PCDH15: variants seen among roughly 807,000 people sequenced by gnomAD.
The protein encoded by PCDH15 is protocadherin-15.
PCDH15 carries 129 observed loss-of-function variants against 178.5 expected under a neutral mutation model. The observed-to-expected ratio is 0.72, with a 90% CI of 0.63 to 0.84. The LOEUF is 0.84. Among genes scored for constraint, PCDH15 ranks in the 40% least tolerant of loss-of-function variants. PCDH15 has a pLI of 0.00. For synonymous variants in PCDH15, 800 were observed against 732.0 expected, an observed-to-expected ratio of 1.09 and a Z score of -1.50; for missense variants, 2,230 against 2,099.9, an observed-to-expected ratio of 1.06 and a Z score of -1.21.
At chr10:53,981,203 A>C (rs1018649803) in intron 21 of PCDH15, among the ~76,000 whole-genome samples, 1 of 152,212 alleles carries the variant, frequency 6.6e-6, no homozygotes, top group Non-Finnish European at 1.5e-5. Context: ...AAAATAGAAT[A>C]ATAAGATTTC....
chr10:54,217,531 G>A (rs766520029), intron 9 of PCDH15, among the ~76,000 whole-genome samples: 3 of 152,130 alleles, frequency 2.0e-5, no homozygotes, highest in Non-Finnish European at 4.4e-5. Context: ...CTTGGCAGGG[G>A]ATGATAAAGA....
At chr10:54,137,403 T>C (rs1387785566) in intron 14 of PCDH15, among the ~76,000 whole-genome samples, 1 of 152,178 alleles carries the variant, frequency 6.6e-6, no homozygotes, top group African/African-American at 2.4e-5. Context: ...TCTTGAAACC[T>C]ACCCAATAGT....
intron 21 of PCDH15, among the ~76,000 whole-genome samples, chr10:53,963,982 T>C (rs1305946383): frequency 6.6e-6 from 1 of 152,216 alleles, no homozygotes; most frequent in African/African-American, 2.4e-5. Flanking sequence ...CCTAAAAACA[T>C]TTCTTTTTTG....
chr10:55,035,056 A>G (rs1006812010), intron 2 of PCDH15, among the ~76,000 whole-genome samples: 3 of 152,108 alleles, frequency 2.0e-5, no homozygotes, highest in African/African-American at 7.2e-5. Context: ...GTTTTTATGT[A>G]TCTTTACATG....
intron 2 of PCDH15, among the ~76,000 whole-genome samples, chr10:55,045,770 G>A (rs1840988257): frequency 6.6e-6 from 1 of 151,920 alleles, no homozygotes; most frequent in African/African-American, 2.4e-5. Flanking sequence ...TCACAAAAAA[G>A]TAATGCCAGT....
At chr10:55,587,836 G>T (rs1842757143) in intron 2 of PCDH15, among the ~76,000 whole-genome samples, 1 of 152,102 alleles carries the variant, frequency 6.6e-6, no homozygotes, top group Non-Finnish European at 1.5e-5. Context: ...TGAGGCCTGG[G>T]TCTGAAAGAG....
chr10:54,977,941 A>G (rs1210662660), intron 2 of PCDH15, among the ~76,000 whole-genome samples: 1 of 152,202 alleles, frequency 6.6e-6, no homozygotes, highest in Non-Finnish European at 1.5e-5. Context: ...TCAGAAGGAC[A>G]ATATTGAAAA....
chr10:55,421,824 T>C (rs2132046428), intron 2 of PCDH15, among the ~76,000 whole-genome samples: 1 of 151,864 alleles, frequency 6.6e-6, no homozygotes, highest in Non-Finnish European at 1.5e-5. Context: ...TTTTATTGTT[T>C]TTATTATCAC....
chr10:54,251,216 G>C (rs2056444415), intron 8 of PCDH15, among the ~76,000 whole-genome samples: 1 of 152,016 alleles, frequency 6.6e-6, no homozygotes, highest in Non-Finnish European at 1.5e-5. Context: ...TAACCATCTG[G>C]TAGAAATTTG....
At chr10:54,649,136 A>T (rs2094198843) in intron 2 of PCDH15, among the ~76,000 whole-genome samples, 1 of 152,300 alleles carries the variant, frequency 6.6e-6, no homozygotes, top group African/African-American at 2.4e-5. Flanking sequence ...CCACTGCATT[A>T]TGATCCACTA....
chr10:53,883,214 A>AT (rs2080858769), intron 26 of PCDH15, among the ~76,000 whole-genome samples: 1 of 152,040 alleles, frequency 6.6e-6, no homozygotes, highest in Admixed American at 6.6e-5. Context: ...ATATATGTAT[A>AT]TGTGTGTGTG....
intron 2 of PCDH15, among the ~76,000 whole-genome samples, chr10:55,103,550 T>G (rs1200929783): frequency 6.6e-6 from 1 of 152,198 alleles, no homozygotes; most frequent in Non-Finnish European, 1.5e-5. Flanking sequence ...CTGGACAGTT[T>G]TCTCCAGCAG....
At chr10:55,339,125 T>C (rs1261217474) in intron 2 of PCDH15, among the ~76,000 whole-genome samples, 5 of 152,138 alleles carry the variant, frequency 3.3e-5, no homozygotes, top group Non-Finnish European at 7.4e-5. Context: ...TATTTTAAAA[T>C]ACTGAAAGAG....
At chr10:54,938,816 G>C (rs1837977841) in intron 2 of PCDH15, among the ~76,000 whole-genome samples, 1 of 152,154 alleles carries the variant, frequency 6.6e-6, no homozygotes, top group Admixed American at 6.5e-5. Context: ...TCTCCGCTCT[G>C]ATCTTAGAGA....
intron 27 of PCDH15, among the ~76,000 whole-genome samples, chr10:53,860,274 C>T (rs915966177): frequency 6.6e-6 from 1 of 152,106 alleles, no homozygotes; most frequent in African/African-American, 2.4e-5. Context: ...TCTGTCTTCC[C>T]ACTGGGAACA....
chr10:55,294,791 G>T (rs1269758692), intron 1 of PCDH15, among the ~76,000 whole-genome samples: 2 of 152,068 alleles, frequency 1.3e-5, no homozygotes, highest in African/African-American at 4.8e-5. Context: ...CTGGACCAAG[G>T]TTACTGCATT....
chr10:54,346,508 T>C lies in PCDH15; in HGVS notation c.475-24A>G, dbSNP rs371503418. 87 of 1,611,870 alleles carry C rather than the reference T, an allele frequency of 5.4e-5. No individual in the cohort carries two copies. The African/African-American group carries it at 9.6e-4, about 18-fold the overall frequency. On this transcript the variant is annotated intron_variant, in intron 5 of 37. Coordinates refer to ENST00000644397, the MANE Select transcript of PCDH15 (RefSeq NM_001384140.1). ...AGCTGAAAGGAAAAAAGATTTTAAA[T>C]ATCAATTTTCATTTTATCAACTGCA...
intron 18 of PCDH15, among the ~76,000 whole-genome samples, chr10:54,041,681 T>C (rs1272573560): frequency 6.6e-5 from 10 of 152,020 alleles, no homozygotes; most frequent in Non-Finnish European, 1.5e-4. Flanking sequence ...TAATGGACAT[T>C]ATGAAAAAGT....
chr10:53,959,709 C>T, intron 23 of PCDH15, 23 bp downstream of exon 23: 1 of 1,565,834 alleles, frequency 6.4e-7, no homozygotes, highest in Non-Finnish European at 8.8e-7. Context: ...TCGTGTATTT[C>T]AAAATCGGAC....
Sources: allele counts gnomAD v4.1 joint callset (sites outside exome capture counted in the v4.1 genomes callset), GRCh38; gene constraint gnomAD v4.1.1; transcripts MANE v1.5; gene names NCBI Gene and HGNC (gene_info 2026-07-23, HGNC 2026-07-21).